The following OPCML variants were observed in gnomAD, a reference collection of about 807,000 sequenced individuals.
OPCML encodes the protein opioid binding protein/cell adhesion molecule like.
Under a neutral mutation model 37.8 loss-of-function variants are expected in OPCML, and 13 were observed. The ratio of observed to expected loss-of-function variants is 0.34; its 90% CI spans 0.22 to 0.55. OPCML has a LOEUF of 0.55. Among genes scored for constraint, OPCML ranks in the 20% least tolerant of loss-of-function variants. OPCML has a pLI of 0.91. For synonymous variants in OPCML, 176 were observed against 168.8 expected (o/e 1.04, Z -0.33); for missense variants, 341 against 435.6 (o/e 0.78, Z 1.93).
intron 3 of OPCML, among the ~76,000 whole-genome samples, chr11:132,539,112 C>T (rs543171120): frequency 5.9e-5 from 9 of 152,300 alleles, no homozygotes; most frequent in African/African-American, 2.2e-4. Flanking sequence ...TAGACAAGGT[C>T]CTTTTCTCAT....
intron 1 of OPCML, among the ~76,000 whole-genome samples, chr11:133,296,337 C>A (rs543788779): frequency 1.5e-4 from 23 of 152,244 alleles, no homozygotes; most frequent in Non-Finnish European, 2.8e-4. Context: ...GCTTCTGGTG[C>A]AGATTCCAGT....
Position 132,943,051 on chromosome 11 carries a change from G to A in OPCML, c.62-41C>T. ...ACAGCAGCCTGAGAGACACGACCAC[G>A]AGGCACTTCCAGGGCAGGAACAGGT... On this transcript the variant is annotated intron_variant, in intron 1 of 7. Coordinates refer to ENST00000524381, the MANE Select transcript of OPCML (RefSeq NM_001012393.5). The surrounding 1 kb of genome is among the most constrained non-coding windows in gnomAD (Gnocchi z 4.3). The A allele has an allele frequency of 6.2e-7, 1 of 1,614,148 alleles. No individual in the cohort carries two copies. Among genetic ancestry groups the A allele is most frequent in the Non-Finnish European group, 8.5e-7 (1 of 1,179,994 alleles).
At chr11:132,469,546 G>T (rs2096129417) in intron 4 of OPCML, among the ~76,000 whole-genome samples, 1 of 146,530 alleles carries the variant, frequency 6.8e-6, no homozygotes, top group Non-Finnish European at 1.5e-5. Flanking sequence ...ATGTGTGTGG[G>T]GTGTGTGTGT....
intron 2 of OPCML, among the ~76,000 whole-genome samples, chr11:132,877,193 C>T (rs1450265950): frequency 6.6e-6 from 1 of 152,104 alleles, no homozygotes; most frequent in Non-Finnish European, 1.5e-5. Context: ...ATGTGAGATT[C>T]ATCTTTTCAA....
At position 132,943,046 on chromosome 11, in the gene OPCML, A is replaced by G. The variant is rs767488014; in HGVS notation, c.62-36T>C. 2.5e-6 allele frequency: 4 copies of G among 1,614,134 alleles called. No homozygotes were observed. The South Asian group carries it at 3.3e-5, about 13-fold the overall frequency. ...AAGGAACAGCAGCCTGAGAGACACG[A>G]CCACGAGGCACTTCCAGGGCAGGAA... On this transcript the variant is annotated intron_variant, in intron 1 of 7. Transcript: ENST00000524381. This position sits in a 1 kb window ranked among gnomAD's most constrained non-coding sequence, Gnocchi z 4.3.
At chr11:132,705,661 G>A (rs1944003151) in intron 2 of OPCML, among the ~76,000 whole-genome samples, 1 of 152,132 alleles carries the variant, frequency 6.6e-6, no homozygotes, top group Admixed American at 6.5e-5. Flanking sequence ...CTTTTGCCGT[G>A]TGACATGCAA....
At chr11:133,390,774 CA>C (rs1002995114) in intron 1 of OPCML, among the ~76,000 whole-genome samples, 7 of 152,286 alleles carry the variant, frequency 4.6e-5, no homozygotes, top group African/African-American at 1.7e-4. Flanking sequence ...GGAGACTGAA[CA>C]AAAGAAGCAT....
At chr11:132,958,079 A>T (rs1207653014) in intron 1 of OPCML, among the ~76,000 whole-genome samples, 2 of 152,260 alleles carry the variant, frequency 1.3e-5, no homozygotes, top group Non-Finnish European at 2.9e-5. Context: ...AATCTCTTGC[A>T]CCAAAGAGTT....
intron 1 of OPCML, chr11:133,117,764 G>A: frequency 2.0e-6 from 2 of 977,172 alleles, no homozygotes; most frequent in Non-Finnish European, 2.4e-6. Context: ...CAATTGCAAT[G>A]GAATACTAAG....
At chr11:133,077,277 G>A (rs1455793440) in intron 1 of OPCML, among the ~76,000 whole-genome samples, 1 of 151,878 alleles carries the variant, frequency 6.6e-6, no homozygotes, top group African/African-American at 2.4e-5. Context: ...ATTGCCCCGT[G>A]ACTTGGAGCT....
intron 2 of OPCML, among the ~76,000 whole-genome samples, chr11:132,916,056 ATTCT>A (rs1944591912): frequency 6.6e-6 from 1 of 152,088 alleles, no homozygotes; most frequent in Non-Finnish European, 1.5e-5. Flanking sequence ...TATGGGTAAA[ATTCT>A]TTATTTTTCT....
At position 133,430,214 on chromosome 11, in the gene OPCML, G is replaced by A. The variant is rs142914618; in HGVS notation, c.61+102050C>T. Among the ~76,000 whole-genome samples the A allele has an allele frequency of 1.3e-4, 20 of 152,186 alleles. No homozygotes were observed. The East Asian group carries it at 3.7e-3, about 28-fold the overall frequency. On this transcript the variant is annotated intron_variant, in intron 1 of 7. Coordinates refer to ENST00000524381, the MANE Select transcript of OPCML (RefSeq NM_001012393.5). ...GGAAGGCATTGATGACTTGATAAGA[G>A]GTGTTTTGGTGGAGAGGTGAGATCT...
At chr11:132,468,020 A>G (rs1445739297) in intron 4 of OPCML, among the ~76,000 whole-genome samples, 1 of 152,152 alleles carries the variant, frequency 6.6e-6, no homozygotes, top group African/African-American at 2.4e-5. Context: ...GTGTGTCCCT[A>G]ATCTTGTGAC....
intron 2 of OPCML, among the ~76,000 whole-genome samples, chr11:132,929,640 T>C (rs1945128469): frequency 6.6e-6 from 1 of 152,190 alleles, no homozygotes; most frequent in South Asian, 2.1e-4. Flanking sequence ...TAATGTGCCT[T>C]GTAAATATTA....
chr11:133,407,808 A>G (rs1451704125), intron 1 of OPCML, among the ~76,000 whole-genome samples: 1 of 152,168 alleles, frequency 6.6e-6, no homozygotes, highest in East Asian at 1.9e-4. Flanking sequence ...AAAAATACCC[A>G]TGCTTTATCC....
At chr11:133,507,871 C>G (rs185476587) in intron 1 of OPCML, among the ~76,000 whole-genome samples, 2 of 151,118 alleles carry the variant, frequency 1.3e-5, no homozygotes, top group Admixed American at 6.6e-5. Flanking sequence ...CACTTTAACC[C>G]GGGAGGCAGA....
intron 4 of OPCML, among the ~76,000 whole-genome samples, chr11:132,482,484 C>A (rs1341427332): frequency 1.3e-5 from 2 of 152,098 alleles, no homozygotes; most frequent in African/African-American, 2.4e-5. Context: ...CGAATTCTAC[C>A]AGAGATACAA....
chr11:133,208,160 C>T lies in OPCML; in HGVS notation c.62-265150G>A, dbSNP rs1939188224. 6.6e-6 allele frequency among the ~76,000 whole-genome samples: 1 copy of T among 152,156 alleles called. No homozygotes were observed. Among genetic ancestry groups the T allele is most frequent in the Admixed American group, 6.5e-5 (1 of 15,270 alleles). On this transcript the variant is annotated intron_variant, in intron 1 of 7. Transcript: ENST00000524381. This position sits in a 1 kb window ranked among gnomAD's most constrained non-coding sequence, Gnocchi z 8.9. ...TGTTGGTCTTCCTTACTGTATTATA[C>T]ATTATGCTGGGGAAGGCAGACTGTC...
chr11:132,785,580 T>A (rs1022616193), intron 2 of OPCML, among the ~76,000 whole-genome samples: 15 of 152,150 alleles, frequency 9.9e-5, no homozygotes, highest in Non-Finnish European at 5.9e-5. Context: ...AGTAAATATA[T>A]AACAACAACA....
Sources: allele counts gnomAD v4.1 joint callset (sites outside exome capture counted in the v4.1 genomes callset), GRCh38; gene constraint gnomAD v4.1.1; non-coding constraint Gnocchi (gnomAD v3.1); transcripts MANE v1.5; gene names NCBI Gene and HGNC (gene_info 2026-07-23, HGNC 2026-07-21).